The following MMADHC variants were observed in gnomAD, a reference collection of about 807,000 sequenced individuals.
MMADHC encodes the protein cobalamin trafficking protein CblD.
MMADHC carries 23 observed loss-of-function variants against 36.3 expected under a neutral mutation model. That is an observed-to-expected ratio of 0.63 (90% CI 0.46 to 0.90). The LOEUF (loss-of-function observed/expected upper bound fraction) is 0.90. MMADHC is among the 40% of genes least tolerant of loss of function. The probability of loss-of-function intolerance (pLI) is 0.00; values close to 1 mark genes in which losing one functional copy is unlikely to be tolerated. For synonymous variants in MMADHC, 97 were observed against 116.1 expected (o/e 0.84, Z 1.06); for missense variants, 330 against 348.0 (o/e 0.95, Z 0.41).
At chr2:149,575,988 T>A in intron 5 of MMADHC, 147 bp from the exon 6 acceptor site, 1 of 675,040 alleles carries the variant, frequency 1.5e-6, no homozygotes, top group Non-Finnish European at 2.4e-6. Context: ...ATGTATGTTA[T>A]TTTTGAAAAG....
At chr2:149,579,728 A>G (rs1682769154) in intron 3 of MMADHC, 80 bp from the exon 4 acceptor site, 1 of 1,149,498 alleles carries the variant, frequency 8.7e-7, no homozygotes, top group Admixed American at 2.4e-5. Context: ...TCTTCTTAAA[A>G]TTATGTATAT....
intron 3 of MMADHC, among the ~76,000 whole-genome samples, chr2:149,579,867 G>C (rs775187860): frequency 6.6e-6 from 1 of 152,098 alleles, no homozygotes; most frequent in Non-Finnish European, 1.5e-5. Context: ...GGGAAAGACT[G>C]AATAAAATAC....
At chr2:149,579,745 C>G in intron 3 of MMADHC, 97 bp from the exon 4 acceptor site, 1 of 1,044,790 alleles carries the variant, frequency 9.6e-7, no homozygotes, top group Non-Finnish European at 1.4e-6. Flanking sequence ...ATATTTTTAT[C>G]TAAAAGATCT....
intron 1 of MMADHC, chr2:149,587,382 C>G: frequency 1.9e-6 from 1 of 534,146 alleles, no homozygotes; most frequent in East Asian, 3.2e-5. Context: ...GGAAAAACAA[C>G]TCGGACCAGA....
At chr2:149,587,401 G>A (rs1331734565) in intron 1 of MMADHC, 5 of 500,182 alleles carry the variant, frequency 1.0e-5, no homozygotes, top group Non-Finnish European at 1.8e-5. Flanking sequence ...GATCCGGGAG[G>A]GGAATGGGGG....
At chr2:149,574,949 A>C (rs1389113932) in intron 6 of MMADHC, among the ~76,000 whole-genome samples, 1 of 152,096 alleles carries the variant, frequency 6.6e-6, no homozygotes, top group Non-Finnish European at 1.5e-5. Flanking sequence ...ACAGGTGCGC[A>C]CCACTAAACC....
intron 6 of MMADHC, among the ~76,000 whole-genome samples, chr2:149,572,003 A>G (rs1682647697): frequency 6.6e-6 from 1 of 152,112 alleles, no homozygotes; most frequent in Non-Finnish European, 1.5e-5. Flanking sequence ...TAAACAAGGT[A>G]CTTGCTTTTC....
At chr2:149,586,902 G>A in intron 2 of MMADHC, 187 bp downstream of exon 2, 1 of 631,882 alleles carries the variant, frequency 1.6e-6, no homozygotes, top group South Asian at 1.9e-5. Context: ...AAGTGTATTT[G>A]CAGTGCAAAG....
At chr2:149,579,831 C>A (rs368798761) in intron 3 of MMADHC, among the ~76,000 whole-genome samples, 183 bp from the exon 4 acceptor site, 3 of 152,132 alleles carry the variant, frequency 2.0e-5, no homozygotes, top group African/African-American at 7.2e-5. Flanking sequence ...AACTGATTGA[C>A]AGATCACAGG....
intron 4 of MMADHC, 55 bp from the exon 5 acceptor site, chr2:149,576,597 T>C (rs1216771433): frequency 1.7e-6 from 2 of 1,208,790 alleles, no homozygotes; most frequent in African/African-American, 3.0e-5. Context: ...TAAAACGGTA[T>C]CTTGCCTGTT....
intron 4 of MMADHC, among the ~76,000 whole-genome samples, chr2:149,578,761 C>T (rs1310936580): frequency 6.6e-6 from 1 of 151,790 alleles, no homozygotes; most frequent in East Asian, 1.9e-4. Flanking sequence ...GGAATTGGTG[C>T]TGCTTATAAT....
chr2:149,572,994 C>G (rs1417049997), intron 6 of MMADHC, among the ~76,000 whole-genome samples: 1 of 152,188 alleles, frequency 6.6e-6, no homozygotes, highest in African/African-American at 2.4e-5. Flanking sequence ...TTACTGGACA[C>G]AGCCATGGCA....
intron 3 of MMADHC, 111 bp downstream of exon 3, chr2:149,582,012 GAACA>G: frequency 1.7e-6 from 2 of 1,187,994 alleles, no homozygotes. Context: ...ATTTTCAACT[GAACA>G]AACACAACTT....
At chr2:149,572,474 G>T in intron 6 of MMADHC, 1 of 199,434 alleles carries the variant, frequency 5.0e-6, no homozygotes, top group Non-Finnish European at 1.1e-5. Context: ...AACAACAGGT[G>T]AGACAAGACT....
At chr2:149,577,571 C>T (rs977884508) in intron 4 of MMADHC, among the ~76,000 whole-genome samples, 1 of 151,898 alleles carries the variant, frequency 6.6e-6, no homozygotes, top group African/African-American at 2.4e-5. Flanking sequence ...AATCCCTGCT[C>T]GTTGGGAGGC....
rs1682803701 is a variant in MMADHC at position 149,582,167 on chromosome 2, A to C, written c.114T>G (p.Gly38=). 6.2e-7 allele frequency: 1 copy of C among 1,613,856 alleles called. No individual in the cohort carries two copies. Among genetic ancestry groups the C allele is most frequent in the African/African-American group, 1.3e-5 (1 of 74,928 alleles). ...PKAFSTAGSS[G]SDESHVAAAP... is the part of the protein sequence containing the mutation. Reference sequence around the variant, plus strand: ...CAGCAGCCACATGAGACTCATCCGAACCTGATGATCCTGCAGTCGAAAAGG... The same window carrying C: ...CAGCAGCCACATGAGACTCATCCGACCCTGATGATCCTGCAGTCGAAAAGG... The change falls in exon 3 of 8, where the codon GGT becomes GGG. Residue 38 remains glycine (G), a synonymous_variant. Transcript: ENST00000303319.
Position 149,569,809 on chromosome 2 carries a change from A to T in MMADHC, c.*165T>A. 1.5e-6 allele frequency: 1 copy of T among 652,022 alleles called. No homozygotes were observed. Among genetic ancestry groups the T allele is most frequent in the Non-Finnish European group, 2.6e-6 (1 of 379,190 alleles). The allele number at this position is 652,022 out of a possible 1,614,324, so 40.4% of individuals were successfully genotyped here. A position where few individuals can be genotyped will look rare whatever the true frequency, so the allele number is the denominator to read the frequency against. On this transcript the variant is annotated 3_prime_UTR_variant, in exon 8 of 8. Coordinates refer to ENST00000303319, the MANE Select transcript of MMADHC (RefSeq NM_015702.3). ...TATTCAATGATATGAATAAATGAAC[A>T]TTTGCAATTTTAAAATCCCAAATCA...
rs1323984126 is a variant in MMADHC at position 149,576,456 on chromosome 2, A to G, written c.459T>C (p.Cys153=). ...SARVECAIQT[C]PELLRKDFES... Reference sequence around the variant, plus strand: ...ACATACCTTTTCGCAGCAATTCTGGACATGTCTGTATTGCACACTCTACTC... The same window carrying G: ...ACATACCTTTTCGCAGCAATTCTGGGCATGTCTGTATTGCACACTCTACTC... Residue 153 remains cysteine, a synonymous_variant, in exon 5 of 8, where the codon TGT becomes TGC. Transcript: ENST00000303319. The G allele has an allele frequency of 3.7e-6, 6 of 1,610,942 alleles. No homozygotes were observed. The highest frequency in any genetic ancestry group is 4.2e-6 in the Non-Finnish European group (5 of 1,177,168).
chr2:149,573,866 A>T (rs1449634322), intron 6 of MMADHC, among the ~76,000 whole-genome samples: 1 of 52,282 alleles, frequency 1.9e-5, no homozygotes, highest in Non-Finnish European at 8.0e-5. Flanking sequence ...AAAGAATCTC[A>T]AATTAAAACA....
Sources: gnomAD v4.1 joint callset for allele counts (sites outside exome capture counted in the v4.1 genomes callset) on GRCh38, gnomAD v4.1.1 for gene constraint, MANE v1.5 for transcripts, NCBI Gene and HGNC (gene_info 2026-07-23, HGNC 2026-07-21) for gene names.